Variants in SH3PXD2A observed in about 807,000 individuals in gnomAD.
SH3PXD2A encodes the protein SH3 and PX domains 2A.
SH3PXD2A carries 32 observed loss-of-function variants against 115.2 expected under a neutral mutation model. The observed-to-expected ratio is 0.28, with a 90% confidence interval of 0.21 to 0.37. SH3PXD2A has a LOEUF of 0.37. Among genes scored for constraint, SH3PXD2A ranks in the 10% least tolerant of loss-of-function variants. SH3PXD2A has a pLI of 1.00. For synonymous variants in SH3PXD2A, 610 were observed against 629.1 expected (o/e 0.97, Z 0.45); for missense variants, 1,328 against 1,498.7 (o/e 0.89, Z 1.88).
At chr10:103,611,484 A>T in intron 13 of SH3PXD2A, 97 bp downstream of exon 13, 1 of 1,158,932 alleles carries the variant, frequency 8.6e-7, no homozygotes, top group Non-Finnish European at 1.3e-6. Context: ...AAACCCCTGG[A>T]TCAAGAGGCT....
In SH3PXD2A at chr10:103,652,863, C is replaced by T. The variant is rs564776752; in HGVS notation, c.604+8120G>A. The stretch of plus-strand genomic sequence containing the variant: ...GGAGGCAAGTCACCTCTGTCAGCTC[C>T]GCTGCGGGGCTTCGAGTAGGCAGGC... On this transcript the variant is annotated intron_variant, in intron 8 of 14. Coordinates refer to ENST00000369774, the MANE Select transcript of SH3PXD2A (RefSeq NM_001394015.1). Among the ~76,000 whole-genome samples the T allele has an allele frequency of 2.4e-4, 36 of 152,254 alleles. 1 individual carries two copies. The East Asian group carries it at 3.1e-3, about 13-fold the overall frequency.
intron 4 of SH3PXD2A, among the ~76,000 whole-genome samples, chr10:103,735,111 A>C (rs920572573): frequency 1.3e-5 from 2 of 152,238 alleles, no homozygotes; most frequent in Admixed American, 6.5e-5. Context: ...TCTGGTAGCC[A>C]CTCATGCTCT....
intron 2 of SH3PXD2A, among the ~76,000 whole-genome samples, chr10:103,798,630 G>C (rs1303761372): frequency 6.6e-6 from 1 of 152,210 alleles, no homozygotes; most frequent in African/African-American, 2.4e-5. Context: ...GTGAAACCCG[G>C]GGAGCAGCTC....
chr10:103,777,852 C>T (rs537637130), intron 2 of SH3PXD2A, among the ~76,000 whole-genome samples: 103 of 152,242 alleles, frequency 6.8e-4, no homozygotes, highest in Non-Finnish European at 1.1e-3. Flanking sequence ...TAACCACAGC[C>T]TTATCTGTGA....
intron 6 of SH3PXD2A, among the ~76,000 whole-genome samples, chr10:103,683,616 C>G (rs114789823): frequency 6.1e-4 from 93 of 152,206 alleles, no homozygotes; most frequent in African/African-American, 2.2e-3. Context: ...GAGCCCTGAT[C>G]GCACCACTGC....
At chr10:103,793,482 C>A (rs139692472) in intron 2 of SH3PXD2A, among the ~76,000 whole-genome samples, 1 of 152,228 alleles carries the variant, frequency 6.6e-6, no homozygotes, top group East Asian at 1.9e-4. Flanking sequence ...GTTGACTTAG[C>A]AACTCTGTAT....
At chr10:103,641,210 C>CT (rs775190232) in intron 8 of SH3PXD2A, among the ~76,000 whole-genome samples, 54 of 152,174 alleles carry the variant, frequency 3.5e-4, no homozygotes, top group Non-Finnish European at 7.6e-4. Flanking sequence ...ACTGTTCAAA[C>CT]TTTTTGGAGC....
At chr10:103,678,170 G>A in intron 6 of SH3PXD2A, 1 of 1,288,898 alleles carries the variant, frequency 7.8e-7, no homozygotes, top group Non-Finnish European at 1.0e-6. Context: ...TGTCTGGGGG[G>A]AGCAGGGCTT....
chr10:103,610,579 G>A (rs1009603504), intron 13 of SH3PXD2A, among the ~76,000 whole-genome samples: 5 of 152,082 alleles, frequency 3.3e-5, no homozygotes, highest in Admixed American at 1.3e-4. Context: ...CCATAGACTG[G>A]TGCCATCTCC....
intron 1 of SH3PXD2A, among the ~76,000 whole-genome samples, chr10:103,845,336 AAAAAAAAAAG>A (rs1282589488): frequency 8.5e-5 from 9 of 105,700 alleles, no homozygotes; most frequent in African/African-American, 1.8e-4. Context: ...ATCTCAAAAA[AAAAAAAAAAG>A]AAAAAAGAAA....
chr10:103,758,821 T>C (rs2038669569), intron 3 of SH3PXD2A, among the ~76,000 whole-genome samples: 1 of 152,234 alleles, frequency 6.6e-6, no homozygotes, highest in Admixed American at 6.5e-5. Context: ...TTGACCTTTT[T>C]AAACCCCAGA....
chr10:103,806,755 T>C lies in SH3PXD2A; in HGVS notation c.73-5393A>G, dbSNP rs75381844. 3.1e-3 allele frequency among the ~76,000 whole-genome samples: 468 copies of C among 152,330 alleles called. 3 individuals carry two copies. The highest frequency in any genetic ancestry group is 9.8e-3 in the African/African-American group (408 of 41,590). ...ATTCTATTTCCCCTGTCTCCAGCCATTTCAGGCAGATGGTAGGCGTCTATG... is the reference window on the plus strand; with the variant it reads ...ATTCTATTTCCCCTGTCTCCAGCCACTTCAGGCAGATGGTAGGCGTCTATG... On this transcript the variant is annotated intron_variant, in intron 1 of 14. Coordinates refer to ENST00000369774, the MANE Select transcript of SH3PXD2A (RefSeq NM_001394015.1).
intron 1 of SH3PXD2A, among the ~76,000 whole-genome samples, chr10:103,836,917 G>C (rs1007865979): frequency 9.2e-5 from 14 of 152,212 alleles, no homozygotes; most frequent in Non-Finnish European, 1.6e-4. Flanking sequence ...GGGCACAGGA[G>C]CCGGCAGCCC....
At chr10:103,834,596 C>T (rs1176823676) in intron 1 of SH3PXD2A, among the ~76,000 whole-genome samples, 1 of 152,206 alleles carries the variant, frequency 6.6e-6, no homozygotes, top group Non-Finnish European at 1.5e-5. Flanking sequence ...TAAAGCTGTT[C>T]CAAAAAGGGA....
At position 103,771,585 on chromosome 10, in the gene SH3PXD2A, A is replaced by G. The variant is rs549196580; in HGVS notation, c.154-4416T>C. ...CTGCGAAACCCCATCTCTACTAAAA[A>G]AAAGTACAAAAATTAGGTGGGCATG... On this transcript the variant is annotated intron_variant, in intron 2 of 14. Transcript: ENST00000369774. Among the ~76,000 whole-genome samples the G allele has an allele frequency of 5.9e-5, 9 of 152,188 alleles. No individual in the cohort carries two copies. The South Asian group carries it at 1.9e-3, about 32-fold the overall frequency.
chr10:103,814,018 A>G (rs1341452261), intron 1 of SH3PXD2A, among the ~76,000 whole-genome samples: 2 of 141,600 alleles, frequency 1.4e-5, no homozygotes, highest in Admixed American at 7.0e-5. Flanking sequence ...AAAAAAAACA[A>G]CAAAAAAAAA....
intron 6 of SH3PXD2A, among the ~76,000 whole-genome samples, chr10:103,685,465 C>T (rs2037665889): frequency 6.6e-6 from 1 of 152,096 alleles, no homozygotes; most frequent in East Asian, 1.9e-4. Flanking sequence ...CAGGGAGGCT[C>T]CTGGCAATGA....
intron 2 of SH3PXD2A, among the ~76,000 whole-genome samples, chr10:103,774,170 A>G (rs2038856831): frequency 6.6e-6 from 1 of 152,074 alleles, no homozygotes. Flanking sequence ...ATTTTCTTCT[A>G]TTTCTGGGAC....
At chr10:103,851,335 G>T (rs1313435762) in intron 1 of SH3PXD2A, among the ~76,000 whole-genome samples, 1 of 152,076 alleles carries the variant, frequency 6.6e-6, no homozygotes, top group African/African-American at 2.4e-5. Context: ...GCCTGAAGTT[G>T]CTCTACTCCT....
Sources: allele counts gnomAD v4.1 joint callset (sites outside exome capture counted in the v4.1 genomes callset), GRCh38; gene constraint gnomAD v4.1.1; transcripts MANE v1.5; gene names NCBI Gene and HGNC (gene_info 2026-07-23, HGNC 2026-07-21).